The following DMRT1 variants were observed in gnomAD, a reference collection of about 807,000 sequenced individuals.
DMRT1 encodes doublesex and mab-3 related transcription factor 1, also known as doublesex- and mab-3-related transcription factor 1.
A neutral mutation model predicts 32.3 loss-of-function variants in DMRT1; 7 were observed. That is an observed-to-expected ratio of 0.22 (90% CI 0.12 to 0.41). DMRT1 has a LOEUF of 0.41. Among genes scored for constraint, DMRT1 ranks in the 10% least tolerant of loss-of-function variants. The pLI, the probability that DMRT1 is intolerant of heterozygous loss-of-function variation, is 1.00. For missense variants in DMRT1, 625 were observed against 500.5 expected, an observed-to-expected ratio of 1.25 and a Z score of -2.37; for synonymous variants, 278 against 206.1, an observed-to-expected ratio of 1.35 and a Z score of -2.99.
intron 2 of DMRT1, among the ~76,000 whole-genome samples, chr9:872,939 A>T (rs1016646591): frequency 1.3e-5 from 2 of 152,182 alleles, no homozygotes; most frequent in East Asian, 3.9e-4. Flanking sequence ...AGCTGATTGG[A>T]CGATGTCCCC....
chr9:935,175 A>G (rs1391447032), intron 4 of DMRT1, among the ~76,000 whole-genome samples: 2 of 152,230 alleles, frequency 1.3e-5, no homozygotes, highest in African/African-American at 4.8e-5. Flanking sequence ...TAAAATACCC[A>G]GTTTTTAAGG....
chr9:893,717 T>C (rs1268356918), intron 2 of DMRT1, among the ~76,000 whole-genome samples, 195 bp from the exon 3 acceptor site: 2 of 152,358 alleles, frequency 1.3e-5, no homozygotes, highest in South Asian at 4.1e-4. Flanking sequence ...GCTGAGTCTT[T>C]CGGTTGTGCC....
At chr9:859,385 T>G (rs1815551738) in intron 2 of DMRT1, among the ~76,000 whole-genome samples, 1 of 151,992 alleles carries the variant, frequency 6.6e-6, no homozygotes, top group Non-Finnish European at 1.5e-5. Context: ...AGCCTAGGAG[T>G]GCCCTTAGTT....
chr9:887,468 T>G (rs1230508379), intron 2 of DMRT1, among the ~76,000 whole-genome samples: 1 of 152,228 alleles, frequency 6.6e-6, no homozygotes, highest in Non-Finnish European at 1.5e-5. Context: ...GGAGAACTTG[T>G]TGGCCTGGCA....
chr9:893,514 C>T (rs746727499), intron 2 of DMRT1, among the ~76,000 whole-genome samples: 2 of 152,226 alleles, frequency 1.3e-5, no homozygotes, highest in African/African-American at 2.4e-5. Flanking sequence ...CTTGGCCACT[C>T]GTTTTGACTT....
chr9:908,035 T>G (rs781179559), intron 3 of DMRT1, among the ~76,000 whole-genome samples: 64 of 152,326 alleles, frequency 4.2e-4, no homozygotes, highest in Non-Finnish European at 5.0e-4. Context: ...TAATTTGGCC[T>G]TTGTAAAATG....
intron 3 of DMRT1, among the ~76,000 whole-genome samples, chr9:899,880 A>T (rs1350395119): frequency 6.6e-6 from 1 of 152,184 alleles, no homozygotes; most frequent in African/African-American, 2.4e-5. Flanking sequence ...GTGCCCCCAG[A>T]TGTGTAGACT....
chr9:895,904 A>C (rs1338911103), intron 3 of DMRT1, among the ~76,000 whole-genome samples: 1 of 149,834 alleles, frequency 6.7e-6, no homozygotes, highest in Non-Finnish European at 1.5e-5. Flanking sequence ...TCCCGGGTTC[A>C]AGCCATTCTC....
At chr9:884,750 A>G (rs112032813) in intron 2 of DMRT1, among the ~76,000 whole-genome samples, 79 of 152,200 alleles carry the variant, frequency 5.2e-4, no homozygotes, top group African/African-American at 1.8e-3. Flanking sequence ...GCAGGCAGAT[A>G]TTTGAGGTCA....
Position 878,525 on chromosome 9 carries a change from T to C in DMRT1, c.539-15387T>C, listed in dbSNP as rs1045444088. 2.6e-5 allele frequency among the ~76,000 whole-genome samples: 4 copies of C among 152,154 alleles called. No homozygotes were observed. In the East Asian group the frequency reaches 7.8e-4, roughly 30 times the overall value. On this transcript the variant is annotated intron_variant, in intron 2 of 4. Transcript: ENST00000382276. ...TCCTGATTATGACTTTAGGGAGTAA[T>C]ATCACACCAAACGCACTCAAGGCTA...
intron 3 of DMRT1, among the ~76,000 whole-genome samples, chr9:908,168 G>A (rs992316796): frequency 6.6e-6 from 1 of 152,278 alleles, no homozygotes; most frequent in South Asian, 2.1e-4. Context: ...CAGGATTGTT[G>A]TGGGCTGGGC....
chr9:870,584 T>C (rs532328797), intron 2 of DMRT1, among the ~76,000 whole-genome samples: 96 of 152,258 alleles, frequency 6.3e-4, no homozygotes, highest in Non-Finnish European at 1.2e-3. Context: ...TTAAGCTTTC[T>C]GATACTTTTT....
At chr9:860,302 A>G (rs968410742) in intron 2 of DMRT1, among the ~76,000 whole-genome samples, 1 of 152,218 alleles carries the variant, frequency 6.6e-6, no homozygotes, top group Non-Finnish European at 1.5e-5. Context: ...GTCTCAAAAA[A>G]AATTAAATAC....
intron 4 of DMRT1, among the ~76,000 whole-genome samples, chr9:963,195 T>C (rs955075534): frequency 6.6e-6 from 1 of 152,206 alleles, no homozygotes; most frequent in African/African-American, 2.4e-5. Flanking sequence ...TCATTTAATT[T>C]ACCTGATGCC....
At position 906,315 on chromosome 9, in the gene DMRT1, C is replaced by T. The variant is rs145373894; in HGVS notation, c.823-10448C>T. ...TGGCCCCAGACAGCCTCACGTTGCC[C>T]TCCCGGCAGGCTCTCATGTTCTGTG... On this transcript the variant is annotated intron_variant, in intron 3 of 4. Coordinates refer to ENST00000382276, the MANE Select transcript of DMRT1 (RefSeq NM_021951.3). Among the ~76,000 whole-genome samples, 539 of 152,332 alleles carry T rather than the reference C, an allele frequency of 3.5e-3. 4 individuals are homozygous for T. The highest frequency in any genetic ancestry group is 0.028 in the South Asian group (134 of 4,824).
At position 901,015 on chromosome 9, in the gene DMRT1, T is replaced by G. The variant is rs80124087; in HGVS notation, c.822+6820T>G. On this transcript the variant is annotated intron_variant, in intron 3 of 4. Transcript: ENST00000382276. ...CTCTACTTCAGTTTTTTTTTTTTAA[T>G]TATTATTATTTTTTAATTGAGAAGG... is the stretch of plus-strand genomic sequence containing the variant. Among the ~76,000 whole-genome samples, 1,065 of 150,872 alleles carry G rather than the reference T, an allele frequency of 7.1e-3. 10 individuals carry two copies. The highest frequency in any genetic ancestry group is 0.025 in the African/African-American group (1,014 of 40,570).
intron 4 of DMRT1, among the ~76,000 whole-genome samples, chr9:967,187 C>T (rs1819956893): frequency 1.3e-5 from 2 of 152,184 alleles, no homozygotes; most frequent in African/African-American, 4.8e-5. Flanking sequence ...TGGATCTAAA[C>T]TCAGCTAAGG....
At chr9:893,241 A>C (rs1394098737) in intron 2 of DMRT1, among the ~76,000 whole-genome samples, 1 of 152,250 alleles carries the variant, frequency 6.6e-6, no homozygotes, top group Admixed American at 6.5e-5. Context: ...ATTGACAATA[A>C]ACACTTTAAT....
chr9:910,918 AC>A (rs941806378), intron 3 of DMRT1, among the ~76,000 whole-genome samples: 8 of 152,148 alleles, frequency 5.3e-5, no homozygotes, highest in African/African-American at 1.4e-4. Flanking sequence ...ATAAAAAAAA[AC>A]CTTGAGAGGA....
Sources: gnomAD v4.1 joint callset for allele counts (sites outside exome capture counted in the v4.1 genomes callset) on GRCh38, gnomAD v4.1.1 for gene constraint, MANE v1.5 for transcripts, NCBI Gene and HGNC (gene_info 2026-07-23, HGNC 2026-07-21) for gene names.